Variants in PFKP observed in about 807,000 individuals in gnomAD.
The protein encoded by PFKP is phosphofructokinase, platelet.
In PFKP, 101 loss-of-function variants were observed where a neutral mutation model predicts 94.3. The ratio of observed to expected loss-of-function variants is 1.07; its 90% CI spans 0.91 to 1.26. The LOEUF (loss-of-function observed/expected upper bound fraction) is 1.26. PFKP is among the 50% of genes most tolerant of loss of function. The pLI is 0.00. For missense variants in PFKP, 1,145 were observed against 1,103.3 expected (o/e 1.04, Z -0.53); for synonymous variants, 573 against 432.6 (o/e 1.32, Z -4.03).
chr10:3,132,042 A>AC (rs1838645600), intron 17 of PFKP, among the ~76,000 whole-genome samples: 1 of 152,178 alleles, frequency 6.6e-6, no homozygotes, highest in Admixed American at 6.5e-5. Flanking sequence ...AGCACCGAGA[A>AC]CATCGTCATG....
chr10:3,079,925 C>A (rs1211108175), intron 1 of PFKP, among the ~76,000 whole-genome samples: 1 of 150,996 alleles, frequency 6.6e-6, no homozygotes, highest in East Asian at 2.0e-4. Context: ...GAGGCTCTGT[C>A]CTGCCAGGAA....
chr10:3,069,399 G>A, intron 1 of PFKP: 1 of 1,583,584 alleles, frequency 6.3e-7, no homozygotes, highest in South Asian at 1.2e-5. Context: ...GGTACGAATG[G>A]AGCCGCCTTG....
At chr10:3,103,716 TG>T in intron 4 of PFKP, 62 bp from the exon 5 acceptor site, 1 of 1,577,932 alleles carries the variant, frequency 6.3e-7, no homozygotes, top group Non-Finnish European at 8.7e-7. Context: ...TCACCCCTAG[TG>T]GGGCACCCCC....
At chr10:3,124,828 G>A (rs531321620) in intron 16 of PFKP, among the ~76,000 whole-genome samples, 19 of 141,748 alleles carry the variant, frequency 1.3e-4, no homozygotes, top group Non-Finnish European at 2.1e-4. Context: ...AACCTGCTCC[G>A]TTGCCTGCCT....
At chr10:3,120,222 A>T (rs1837262862) in intron 16 of PFKP, among the ~76,000 whole-genome samples, 178 bp downstream of exon 16, 1 of 151,594 alleles carries the variant, frequency 6.6e-6, no homozygotes, top group Non-Finnish European at 1.5e-5. Context: ...TTTTGATCTC[A>T]CTCCCAGAGA....
At chr10:3,103,586 G>A (rs950061003) in intron 4 of PFKP, among the ~76,000 whole-genome samples, 193 bp from the exon 5 acceptor site, 2 of 152,190 alleles carry the variant, frequency 1.3e-5, no homozygotes, top group Admixed American at 1.3e-4. Context: ...CTATGATGGT[G>A]CCACTGCACT....
chr10:3,108,927 A>C (rs1040319024), intron 9 of PFKP, 134 bp downstream of exon 9: 1 of 693,682 alleles, frequency 1.4e-6, no homozygotes, highest in Non-Finnish European at 2.6e-6. Flanking sequence ...CCCTCATCTT[A>C]ACGATCCTTG....
intron 1 of PFKP, among the ~76,000 whole-genome samples, chr10:3,069,803 A>G (rs1351850222): frequency 6.6e-6 from 1 of 152,244 alleles, no homozygotes; most frequent in Admixed American, 6.5e-5. Context: ...CATGTCCAAA[A>G]GCTTGCTAAA....
At chr10:3,086,656 G>T (rs1231074154) in intron 2 of PFKP, among the ~76,000 whole-genome samples, 1 of 152,122 alleles carries the variant, frequency 6.6e-6, no homozygotes, top group Non-Finnish European at 1.5e-5. Context: ...ACTAAACCAA[G>T]CGCACACTGT....
chr10:3,109,069 C>T (rs914409863), intron 9 of PFKP, among the ~76,000 whole-genome samples: 2 of 8,906 alleles, frequency 2.2e-4, no homozygotes, highest in African/African-American at 5.5e-4. Flanking sequence ...GGCAGAAAGG[C>T]TGTGTTTCTA....
At chr10:3,089,956 ATTT>A (rs2131470372) in intron 2 of PFKP, among the ~76,000 whole-genome samples, 1 of 152,000 alleles carries the variant, frequency 6.6e-6, no homozygotes, top group Admixed American at 6.6e-5. Flanking sequence ...CATGAGATCA[ATTT>A]TTTATTTAAG....
chr10:3,093,878 T>C (rs7900748), intron 2 of PFKP, among the ~76,000 whole-genome samples: 47,751 of 151,974 alleles, frequency 0.31, 8,830 homozygotes, highest in Middle Eastern at 0.43. Flanking sequence ...CTCCTGACCT[T>C]GTGATCCGCC....
intron 13 of PFKP, 107 bp downstream of exon 13, chr10:3,113,625 A>G (rs1836491497): frequency 9.9e-6 from 7 of 704,010 alleles, no homozygotes; most frequent in Non-Finnish European, 1.5e-5. Context: ...TTCATGCCTC[A>G]GTCCGGGATC....
intron 4 of PFKP, among the ~76,000 whole-genome samples, chr10:3,102,884 C>T (rs1835155602): frequency 6.6e-6 from 1 of 152,226 alleles, no homozygotes; most frequent in African/African-American, 2.4e-5. Context: ...CCTCACGGTT[C>T]CCGCTTGTCC....
At chr10:3,125,270 CT>C (rs1474184279) in intron 16 of PFKP, 1 of 1,278,570 alleles carries the variant, frequency 7.8e-7, no homozygotes. Context: ...CCCGTTTCCT[CT>C]CATTGCTTTT....
chr10:3,124,742 G>A (rs1360456452), intron 16 of PFKP, among the ~76,000 whole-genome samples: 1 of 152,212 alleles, frequency 6.6e-6, no homozygotes, highest in Non-Finnish European at 1.5e-5. Context: ...TGTCCTGACT[G>A]CCCTGGCCTC....
intron 2 of PFKP, among the ~76,000 whole-genome samples, chr10:3,090,478 T>A (rs765974999): frequency 1.3e-5 from 2 of 152,120 alleles, no homozygotes; most frequent in Non-Finnish European, 2.9e-5. Context: ...ACTCCATGGG[T>A]GTGTGGCCAG....
chr10:3,087,952 G>A (rs1183684013), intron 2 of PFKP, among the ~76,000 whole-genome samples: 1 of 134,406 alleles, frequency 7.4e-6, no homozygotes, highest in East Asian at 2.1e-4. Flanking sequence ...TCATTTTGCT[G>A]TTACAGATAT....
intron 16 of PFKP, chr10:3,124,990 C>T (rs942943651): frequency 4.4e-5 from 41 of 931,328 alleles, no homozygotes; most frequent in Admixed American, 5.8e-5. Flanking sequence ...CCGGCTTCCC[C>T]TGGTGACTCA....
Sources: gnomAD v4.1 joint callset for allele counts (sites outside exome capture counted in the v4.1 genomes callset) on GRCh38, gnomAD v4.1.1 for gene constraint, MANE v1.5 for transcripts, NCBI Gene and HGNC (gene_info 2026-07-23, HGNC 2026-07-21) for gene names.